ADGRV1: variants seen among roughly 807,000 people sequenced by gnomAD.
ADGRV1 encodes the protein G-protein coupled receptor 98.
In ADGRV1, 359 loss-of-function variants were observed where a neutral mutation model predicts 596.2. The ratio of observed to expected loss-of-function variants is 0.60; its 90% CI spans 0.55 to 0.66. The LOEUF is 0.66. Among genes scored for constraint, ADGRV1 ranks in the 30% least tolerant of loss-of-function variants. The pLI is 0.00. For synonymous variants in ADGRV1, 2,681 were observed against 2,679.2 expected (o/e 1.00, Z -0.02); for missense variants, 7,274 against 7,575.6 (o/e 0.96, Z 1.48).
chr5:90,617,839 A>T lies in ADGRV1; in HGVS notation c.243A>T (p.Thr81=), dbSNP rs376660492. The T allele has an allele frequency of 1.3e-5, 20 of 1,599,558 alleles. No homozygotes were observed. The African/African-American group carries it at 2.5e-4, about 20-fold the overall frequency. Residue 81 remains threonine, a synonymous_variant, in exon 3 of 90, where the codon ACA becomes ACT. Coordinates refer to ENST00000405460, the MANE Select transcript of ADGRV1 (RefSeq NM_032119.4). Reference sequence around the variant, plus strand: ...AGGACGCTGGTGACTTTTTTGACACATATGCTGCAGCTTTTATACCTGCCG... The same window carrying T: ...AGGACGCTGGTGACTTTTTTGACACTTATGCTGCAGCTTTTATACCTGCCG... ...YGEDAGDFFD[T]YAAAFIPAGE...
chr5:90,689,959 C>A lies in ADGRV1; in HGVS notation c.6589C>A (p.Leu2197Met), dbSNP rs371023442. The A allele has an allele frequency of 8.7e-6, 14 of 1,611,660 alleles. No individual in the cohort carries two copies. Among genetic ancestry groups the A allele is most frequent in the Non-Finnish European group, 1.2e-5 (14 of 1,178,676 alleles). Residue 2197 changes from leucine (L) to methionine (M), a missense_variant, in exon 30 of 90, where the codon CTG becomes ATG. By Grantham distance (15) the Leu-to-Met change is conservative. This residue lies in a region of ADGRV1 where 3,643 missense variants were observed against 3,809.2 expected (regional missense o/e 0.96). Coordinates refer to ENST00000405460, the MANE Select transcript of ADGRV1 (RefSeq NM_032119.4). ...TGTCATTAATGATATCTATCCTGAA[C>A]TGGAAGAATCTTTTCTTGTGCAACT... ...IYVINDIYPE[L>M]EESFLVQLMN... is the part of the protein sequence containing the mutation.
At chr5:90,560,792 GATC>G (rs1754722618) in intron 1 of ADGRV1, among the ~76,000 whole-genome samples, 1 of 152,088 alleles carries the variant, frequency 6.6e-6, no homozygotes, top group South Asian at 2.1e-4. Context: ...CTCAGAAAGT[GATC>G]ATATGAGATA....
chr5:90,950,696 C>A (rs1252179117), intron 83 of ADGRV1, among the ~76,000 whole-genome samples: 1 of 152,028 alleles, frequency 6.6e-6, no homozygotes, highest in East Asian at 1.9e-4. Context: ...AAAAGGGAGT[C>A]AAAATTTTGA....
chr5:90,815,549 G>A (rs1231217701), intron 74 of ADGRV1, 70 bp from the exon 75 acceptor site: 1 of 840,348 alleles, frequency 1.2e-6, no homozygotes, highest in African/African-American at 1.7e-5. Context: ...GAGCTGGCAA[G>A]ATTAGTGGAG....
chr5:91,011,751 A>AG (rs200182345), intron 85 of ADGRV1, among the ~76,000 whole-genome samples: 1,543 of 151,344 alleles, frequency 0.01, 24 homozygotes, highest in African/African-American at 0.035. Context: ...TGATAAGGCC[A>AG]GGGGGGAAAA....
At chr5:90,582,303 A>T (rs1353198194) in intron 1 of ADGRV1, among the ~76,000 whole-genome samples, 3 of 151,994 alleles carry the variant, frequency 2.0e-5, no homozygotes, top group Non-Finnish European at 2.9e-5. Flanking sequence ...GAAATCTCCC[A>T]CTATTTTTGT....
chr5:91,098,298 A>T (rs1036305104), intron 86 of ADGRV1, among the ~76,000 whole-genome samples: 1 of 147,296 alleles, frequency 6.8e-6, no homozygotes, highest in Non-Finnish European at 1.5e-5. Context: ...CATCACCATC[A>T]CCCCCTCCCA....
At chr5:90,917,975 A>G (rs539802656) in intron 83 of ADGRV1, among the ~76,000 whole-genome samples, 21 of 152,218 alleles carry the variant, frequency 1.4e-4, no homozygotes, top group African/African-American at 4.3e-4. Context: ...GCTCTTAGGC[A>G]GATATATTTC....
intron 11 of ADGRV1, among the ~76,000 whole-genome samples, chr5:90,641,123 A>G (rs1766918150): frequency 6.6e-6 from 1 of 152,234 alleles, no homozygotes; most frequent in African/African-American, 2.4e-5. Flanking sequence ...TTTGAGAATT[A>G]GTGTAATGAC....
chr5:90,898,134 A>G (rs115744698), intron 83 of ADGRV1, among the ~76,000 whole-genome samples: 1,910 of 152,282 alleles, frequency 0.013, 45 homozygotes, highest in African/African-American at 0.044. Flanking sequence ...TTTCATTCCC[A>G]TGGCACATTT....
chr5:91,150,034 T>G lies in ADGRV1; in HGVS notation c.18437T>G (p.Leu6146Arg). 1 of 1,502,370 alleles carries G rather than the reference T, an allele frequency of 6.7e-7. No homozygotes were observed. The highest frequency in any genetic ancestry group is 8.9e-7 in the Non-Finnish European group (1 of 1,121,802). 93.1% of individuals were successfully genotyped at this position (1,502,370 alleles called of 1,614,324 possible). Residue 6146 changes from leucine (L) to arginine (R), a missense_variant, in exon 88 of 90, where the codon CTT becomes CGT. Leu to Arg is a moderately radical substitution (Grantham distance 102). This residue lies in a region of ADGRV1 where 1,874 missense variants were observed against 1,970.2 expected (regional missense o/e 0.95). Coordinates refer to ENST00000405460, the MANE Select transcript of ADGRV1 (RefSeq NM_032119.4). The stretch of plus-strand genomic sequence containing the variant: ...CTTTTTTTTTTTTTTTTGCAGGGAC[T>G]TTATGTTTTCATGGTTTATTTCATT... ...LFVIFNSLQGLYVFMVYFILH... is the reference protein window; with the variant it reads ...LFVIFNSLQGRYVFMVYFILH...
intron 85 of ADGRV1, among the ~76,000 whole-genome samples, chr5:91,039,713 G>A (rs557416049): frequency 5.3e-5 from 8 of 152,272 alleles, no homozygotes; most frequent in East Asian, 3.9e-4. Context: ...AATTGCAGAC[G>A]TGGAAGGTTA....
At chr5:90,905,011 A>T (rs1320912119) in intron 83 of ADGRV1, among the ~76,000 whole-genome samples, 2 of 151,814 alleles carry the variant, frequency 1.3e-5, no homozygotes, top group African/African-American at 4.8e-5. Context: ...TTCTCAGTGT[A>T]TGTTCTTGGC....
At chr5:91,105,500 A>AT (rs1176287277) in intron 87 of ADGRV1, among the ~76,000 whole-genome samples, 1 of 152,044 alleles carries the variant, frequency 6.6e-6, no homozygotes, top group African/African-American at 2.4e-5. Context: ...ACTAGCATTT[A>AT]TTTTTTGTCT....
chr5:90,706,483 A>G (rs990963272), intron 38 of ADGRV1, 89 bp downstream of exon 38: 3 of 1,155,772 alleles, frequency 2.6e-6, no homozygotes, highest in African/African-American at 3.1e-5. Context: ...ACAAGTGCAC[A>G]ATGTGCAGGT....
intron 10 of ADGRV1, among the ~76,000 whole-genome samples, chr5:90,635,524 A>G (rs1766074835): frequency 6.6e-6 from 1 of 152,146 alleles, no homozygotes; most frequent in Admixed American, 6.5e-5. Flanking sequence ...TGAGTGTCGG[A>G]TATTTTGATG....
intron 34 of ADGRV1, 28 bp from the exon 35 acceptor site, chr5:90,703,637 T>C (rs1748192839): frequency 6.5e-7 from 1 of 1,530,632 alleles, no homozygotes; most frequent in Non-Finnish European, 8.9e-7. Context: ...CCATTAAGTA[T>C]TTATCAATTT....
At chr5:90,855,631 G>A in intron 81 of ADGRV1, 110 bp from the exon 82 acceptor site, 1 of 704,882 alleles carries the variant, frequency 1.4e-6, no homozygotes, top group Non-Finnish European at 2.4e-6. Flanking sequence ...GTCTACTTAA[G>A]TCTTGAGCAA....
rs1422031504 is a variant in ADGRV1, at chr5:91,150,045, A to G, written c.18448A>G (p.Met6150Val). ...TTTTTTGCAGGGACTTTATGTTTTC[A>G]TGGTTTATTTCATTTTACACAACCA... ...FNSLQGLYVFMVYFILHNQMC... is the reference protein window; with the variant it reads ...FNSLQGLYVFVVYFILHNQMC... The change falls in exon 88 of 90, where the codon ATG becomes GTG. Residue 6150 changes from methionine to valine, a missense_variant. Physicochemically the swap from Met to Val is conservative, Grantham distance 21. Coordinates refer to ENST00000405460, the MANE Select transcript of ADGRV1 (RefSeq NM_032119.4). 1.5e-6 allele frequency: 2 copies of G among 1,335,002 alleles called. No individual in the cohort carries two copies. Among genetic ancestry groups the G allele is most frequent in the Non-Finnish European group, 1.9e-6 (2 of 1,037,526 alleles). 82.7% of individuals were successfully genotyped at this position (1,335,002 alleles called of 1,614,324 possible). A position where few individuals can be genotyped will look rare whatever the true frequency, so the allele number is the denominator to read the frequency against.
Sources: gnomAD v4.1 joint callset for allele counts (sites outside exome capture counted in the v4.1 genomes callset) on GRCh38, gnomAD v4.1.1 for gene constraint, gnomAD v4.1.1 regional missense constraint, MANE v1.5 for transcripts, NCBI Gene and HGNC (gene_info 2026-07-23, HGNC 2026-07-21) for gene names.